The following PCSK2 variants were observed in gnomAD, a reference collection of about 807,000 sequenced individuals.
PCSK2 encodes the protein neuroendocrine convertase 2.
PCSK2 carries 14 observed loss-of-function variants against 69.7 expected under a neutral mutation model. The observed-to-expected ratio is 0.20, with a 90% CI of 0.13 to 0.31. PCSK2 has a LOEUF of 0.31. PCSK2 is among the 10% of genes least tolerant of loss of function. PCSK2 has a pLI of 1.00. For missense variants in PCSK2, 544 were observed against 842.5 expected (o/e 0.65, Z 4.39); for synonymous variants, 307 against 320.7 (o/e 0.96, Z 0.46).
chr20:17,424,940 A>G (rs572898321), intron 6 of PCSK2, among the ~76,000 whole-genome samples: 3 of 151,810 alleles, frequency 2.0e-5, no homozygotes, highest in Non-Finnish European at 4.4e-5. Flanking sequence ...ACAGGCCACC[A>G]TACCTGGCTA....
chr20:17,426,983 T>A (rs1208799479), intron 6 of PCSK2, among the ~76,000 whole-genome samples: 1 of 152,232 alleles, frequency 6.6e-6, no homozygotes, highest in Non-Finnish European at 1.5e-5. Flanking sequence ...TGCATGTTTC[T>A]AATAGGATTA....
chr20:17,350,061 A>G (rs1342109163), intron 2 of PCSK2, among the ~76,000 whole-genome samples: 2 of 151,304 alleles, frequency 1.3e-5, no homozygotes, highest in African/African-American at 4.9e-5. Context: ...GTATGTCTTC[A>G]CATGGCATTC....
At chr20:17,342,492 T>A (rs537757892) in intron 2 of PCSK2, among the ~76,000 whole-genome samples, 1 of 152,238 alleles carries the variant, frequency 6.6e-6, no homozygotes, top group South Asian at 2.1e-4. Flanking sequence ...CTAATTTGTG[T>A]ATTTTTTGCA....
rs11468966 is a variant in PCSK2 at position 17,448,893 on chromosome 20, CT to C, written c.886-4830del. 1.2e-3 allele frequency among the ~76,000 whole-genome samples: 169 copies of C among 136,448 alleles called. 2 individuals are homozygous for C. The highest frequency in any genetic ancestry group is 1.7e-3 in the African/African-American group (61 of 36,496). The allele number at this position is 136,448 out of a possible 152,430, so 89.5% of individuals were successfully genotyped here. A position where few individuals can be genotyped will look rare whatever the true frequency, so the allele number is the denominator to read the frequency against. The stretch of plus-strand genomic sequence containing the variant: ...CTTAATTTCACCTAAATGCACTTGC[CT>C]TTTTTTTTTTTTTTTTTTCCTTTCA... On this transcript the variant is annotated intron_variant, in intron 8 of 11. Coordinates refer to ENST00000262545, the MANE Select transcript of PCSK2 (RefSeq NM_002594.5).
chr20:17,420,923 C>T (rs1022967644), intron 6 of PCSK2, among the ~76,000 whole-genome samples: 2 of 152,158 alleles, frequency 1.3e-5, no homozygotes, highest in Non-Finnish European at 2.9e-5. Context: ...TAACCGACAA[C>T]CAATAGAGTT....
At chr20:17,421,559 G>A (rs2032126793) in intron 6 of PCSK2, among the ~76,000 whole-genome samples, 1 of 152,124 alleles carries the variant, frequency 6.6e-6, no homozygotes, top group African/African-American at 2.4e-5. Context: ...ACTGCAGCTG[G>A]CCACCATGGG....
At chr20:17,360,786 T>C in intron 4 of PCSK2, 146 bp downstream of exon 4, 1 of 566,034 alleles carries the variant, frequency 1.8e-6, no homozygotes, top group Non-Finnish European at 3.2e-6. Flanking sequence ...TGTGCCCAGA[T>C]CTTCACCTTT....
chr20:17,385,697 T>C (rs1481411889), intron 5 of PCSK2, among the ~76,000 whole-genome samples: 5 of 152,148 alleles, frequency 3.3e-5, no homozygotes, highest in Admixed American at 2.0e-4. Flanking sequence ...AACCAGCATT[T>C]TATTTGGAAT....
intron 2 of PCSK2, among the ~76,000 whole-genome samples, chr20:17,322,499 C>T (rs1989900677): frequency 6.6e-6 from 1 of 152,198 alleles, no homozygotes; most frequent in African/African-American, 2.4e-5. Context: ...TGGTTGAGCC[C>T]TAATCCAATA....
intron 2 of PCSK2, among the ~76,000 whole-genome samples, chr20:17,357,012 G>GA (rs915642835): frequency 2.0e-5 from 3 of 151,674 alleles, no homozygotes; most frequent in African/African-American, 4.8e-5. Flanking sequence ...TTGGGAAGAG[G>GA]AAAAAAAATG....
intron 2 of PCSK2, among the ~76,000 whole-genome samples, chr20:17,288,488 G>T (rs1373402643): frequency 6.6e-6 from 1 of 152,194 alleles, no homozygotes; most frequent in Non-Finnish European, 1.5e-5. Flanking sequence ...CTGCAGCAAT[G>T]CCACGGCTCA....
intron 2 of PCSK2, among the ~76,000 whole-genome samples, chr20:17,330,883 G>A (rs1380032194): frequency 6.6e-6 from 1 of 152,104 alleles, no homozygotes; most frequent in Non-Finnish European, 1.5e-5. Flanking sequence ...GCTTCCAAAG[G>A]CAGGAAGCAG....
chr20:17,390,471 C>T (rs543697220), intron 5 of PCSK2, among the ~76,000 whole-genome samples: 1 of 152,262 alleles, frequency 6.6e-6, no homozygotes, highest in East Asian at 1.9e-4. Context: ...AATCAGTTAC[C>T]ACCAAAAATG....
At chr20:17,250,396 C>G (rs1986928968) in intron 1 of PCSK2, among the ~76,000 whole-genome samples, 1 of 152,150 alleles carries the variant, frequency 6.6e-6, no homozygotes, top group Non-Finnish European at 1.5e-5. Flanking sequence ...GAGAAAATCA[C>G]ATGAACAATG....
intron 11 of PCSK2, among the ~76,000 whole-genome samples, chr20:17,473,334 C>T (rs1436150432): frequency 3.3e-5 from 5 of 151,908 alleles, no homozygotes; most frequent in South Asian, 2.1e-4. Context: ...CCTCGTGTTC[C>T]GACCCCTCGG....
chr20:17,289,615 G>A (rs1279329446), intron 2 of PCSK2, among the ~76,000 whole-genome samples: 1 of 152,084 alleles, frequency 6.6e-6, no homozygotes, highest in Non-Finnish European at 1.5e-5. Flanking sequence ...ATATTTTAGA[G>A]AGTATCACTT....
chr20:17,386,357 C>A (rs1248509100), intron 5 of PCSK2, among the ~76,000 whole-genome samples: 1 of 152,088 alleles, frequency 6.6e-6, no homozygotes, highest in Non-Finnish European at 1.5e-5. Flanking sequence ...ATCAATCAAT[C>A]GATGAATGGA....
At chr20:17,437,748 T>A (rs1472874983) in intron 8 of PCSK2, among the ~76,000 whole-genome samples, 1 of 152,230 alleles carries the variant, frequency 6.6e-6, no homozygotes, top group East Asian at 1.9e-4. Context: ...ACTCCTTTAC[T>A]ACGCTTGGGA....
At chr20:17,237,717 A>G (rs1219175237) in intron 1 of PCSK2, among the ~76,000 whole-genome samples, 1 of 152,160 alleles carries the variant, frequency 6.6e-6, no homozygotes, top group African/African-American at 2.4e-5. Flanking sequence ...TTACTTAAAG[A>G]GTGATTCTAC....
Sources: gnomAD v4.1 joint callset for allele counts (sites outside exome capture counted in the v4.1 genomes callset) on GRCh38, gnomAD v4.1.1 for gene constraint, MANE v1.5 for transcripts, NCBI Gene and HGNC (gene_info 2026-07-23, HGNC 2026-07-21) for gene names.